CTNNA2: variants seen among roughly 807,000 people sequenced by gnomAD.
CTNNA2 encodes the protein catenin alpha 2.
A neutral mutation model predicts 101.0 loss-of-function variants in CTNNA2; 42 were observed. The ratio of observed to expected loss-of-function variants is 0.42; its 90% confidence interval spans 0.32 to 0.54. The LOEUF (loss-of-function observed/expected upper bound fraction) is 0.54. CTNNA2 is among the 20% of genes least tolerant of loss of function. CTNNA2 has a pLI of 0.14. For synonymous variants in CTNNA2, 450 were observed against 456.4 expected (o/e 0.99, Z 0.18); for missense variants, 871 against 1,223.1 (o/e 0.71, Z 4.29).
intron 2 of CTNNA2, among the ~76,000 whole-genome samples, chr2:79,672,771 C>T (rs1260140611): frequency 6.7e-6 from 1 of 149,348 alleles, no homozygotes; most frequent in East Asian, 2.0e-4. Context: ...TGCAGTGGCA[C>T]AATCCTCAGC....
intron 7 of CTNNA2, among the ~76,000 whole-genome samples, chr2:80,123,393 A>G (rs553497557): frequency 1.2e-4 from 18 of 152,038 alleles, no homozygotes; most frequent in African/African-American, 4.3e-4. Flanking sequence ...AAGGAAGAAC[A>G]TCTTCAGCTT....
At chr2:79,962,800 G>A (rs1010644380) in intron 7 of CTNNA2, among the ~76,000 whole-genome samples, 11 of 152,188 alleles carry the variant, frequency 7.2e-5, no homozygotes, top group South Asian at 2.1e-4. Flanking sequence ...GGCCGGGCGC[G>A]GTGGCTCACG....
intron 12 of CTNNA2, among the ~76,000 whole-genome samples, chr2:80,563,563 G>C (rs912357874): frequency 2.0e-5 from 3 of 152,128 alleles, no homozygotes; most frequent in Non-Finnish European, 4.4e-5. Context: ...GTTTTGTAGA[G>C]ACAGGTCTTG....
intron 3 of CTNNA2, among the ~76,000 whole-genome samples, chr2:79,751,909 G>A (rs1672072558): frequency 6.6e-6 from 1 of 152,132 alleles, no homozygotes; most frequent in South Asian, 2.1e-4. Flanking sequence ...AGGTGGTAAT[G>A]GGAACAGAAA....
At position 80,029,963 on chromosome 2, in the gene CTNNA2, T is replaced by C. The variant is rs556854116; in HGVS notation, c.1056+120166T>C. Among the ~76,000 whole-genome samples the C allele has an allele frequency of 1.3e-4, 20 of 151,874 alleles. No homozygotes were observed. In the South Asian group the frequency reaches 4.2e-3, roughly 32 times the overall value. ...CCACATTAGTGTGGGCCTTGGACAATGGGAGGGGCATAAAAAAGGAAGCAA... is the reference window on the plus strand; with the variant it reads ...CCACATTAGTGTGGGCCTTGGACAACGGGAGGGGCATAAAAAAGGAAGCAA... On this transcript the variant is annotated intron_variant, in intron 7 of 18. Coordinates refer to ENST00000402739, the MANE Select transcript of CTNNA2 (RefSeq NM_001282597.3).
intron 7 of CTNNA2, among the ~76,000 whole-genome samples, chr2:80,241,548 A>C (rs930275972): frequency 6.6e-6 from 1 of 151,774 alleles, no homozygotes; most frequent in African/African-American, 2.4e-5. Context: ...ATATATATCT[A>C]TACATCTGTA....
intron 9 of CTNNA2, among the ~76,000 whole-genome samples, chr2:80,519,273 C>T (rs1253552080): frequency 3.3e-5 from 5 of 152,112 alleles, no homozygotes; most frequent in Non-Finnish European, 7.4e-5. Flanking sequence ...ATTTTTTGAA[C>T]ACTATCATGG....
At chr2:79,999,056 G>T (rs1358633073) in intron 7 of CTNNA2, among the ~76,000 whole-genome samples, 7 of 151,026 alleles carry the variant, frequency 4.6e-5, no homozygotes, top group Admixed American at 1.3e-4. Flanking sequence ...AAGCCAAATT[G>T]TTTCTAATTC....
chr2:80,597,479 C>T (rs1366754760), intron 15 of CTNNA2, among the ~76,000 whole-genome samples: 1 of 152,072 alleles, frequency 6.6e-6, no homozygotes, highest in African/African-American at 2.4e-5. Flanking sequence ...CAAATGGGAT[C>T]GAATTAATCT....
intron 3 of CTNNA2, among the ~76,000 whole-genome samples, chr2:79,338,744 G>T (rs569753058): frequency 1.5e-4 from 23 of 152,042 alleles, no homozygotes; most frequent in African/African-American, 5.5e-4. Context: ...TCCAGGCAAA[G>T]GATGGTCATA....
intron 13 of CTNNA2, chr2:80,579,378 G>T (rs531818179): frequency 2.0e-5 from 3 of 152,148 alleles, no homozygotes; most frequent in South Asian, 2.1e-4. Context: ...GAGATTTTTC[G>T]ATTTACTTTT....
intron 7 of CTNNA2, among the ~76,000 whole-genome samples, chr2:80,233,051 A>G (rs1345761765): frequency 6.6e-6 from 1 of 152,208 alleles, no homozygotes; most frequent in Non-Finnish European, 1.5e-5. Flanking sequence ...CAGATATCAG[A>G]GAAAAGAGAA....
intron 7 of CTNNA2, among the ~76,000 whole-genome samples, chr2:79,931,906 C>T (rs1363731051): frequency 6.6e-6 from 1 of 152,196 alleles, no homozygotes; most frequent in African/African-American, 2.4e-5. Flanking sequence ...ATCTCTCTCT[C>T]CTTACCCAGT....
intron 4 of CTNNA2, among the ~76,000 whole-genome samples, chr2:79,483,707 C>T (rs1671131550): frequency 6.6e-6 from 1 of 152,200 alleles, no homozygotes; most frequent in Non-Finnish European, 1.5e-5. Context: ...ATGGTCTCCA[C>T]CTCCATCCAG....
At chr2:79,564,147 T>TA (rs2104154705) in intron 1 of CTNNA2, among the ~76,000 whole-genome samples, 1 of 152,222 alleles carries the variant, frequency 6.6e-6, no homozygotes, top group African/African-American at 2.4e-5. Context: ...AGGGAGGTGA[T>TA]AAAAACCGCA....
At chr2:80,284,763 A>G (rs1674627900) in intron 7 of CTNNA2, among the ~76,000 whole-genome samples, 3 of 152,048 alleles carry the variant, frequency 2.0e-5, no homozygotes, top group African/African-American at 7.2e-5. Flanking sequence ...CTTTCCACAC[A>G]TTCCTGTCTC....
intron 18 of CTNNA2, among the ~76,000 whole-genome samples, chr2:80,643,913 C>T (rs1673758868): frequency 6.6e-6 from 1 of 152,112 alleles, no homozygotes; most frequent in South Asian, 2.1e-4. Flanking sequence ...GAGGATGAGA[C>T]TAAGAATCAC....
At chr2:79,274,486 A>G (rs1675162835) in intron 2 of CTNNA2, among the ~76,000 whole-genome samples, 1 of 152,116 alleles carries the variant, frequency 6.6e-6, no homozygotes, top group Non-Finnish European at 1.5e-5. Flanking sequence ...TATAAAAAGC[A>G]TATACATTAT....
chr2:79,271,460 A>T (rs1195884911), intron 2 of CTNNA2, among the ~76,000 whole-genome samples: 4 of 152,148 alleles, frequency 2.6e-5, no homozygotes, highest in Non-Finnish European at 5.9e-5. Flanking sequence ...CAGGGACAGA[A>T]GTTGGGGAAT....
Sources: gnomAD v4.1 joint callset for allele counts (sites outside exome capture counted in the v4.1 genomes callset) on GRCh38, gnomAD v4.1.1 for gene constraint, MANE v1.5 for transcripts, NCBI Gene and HGNC (gene_info 2026-07-23, HGNC 2026-07-21) for gene names.